TENM1: variants seen among roughly 807,000 people sequenced by gnomAD.
TENM1 encodes teneurin transmembrane protein 1.
In TENM1, 35 loss-of-function variants were observed where a neutral mutation model predicts 174.8. That is an observed-to-expected ratio of 0.20 (90% CI 0.15 to 0.27). TENM1 has a LOEUF of 0.27. Ranked by LOEUF, TENM1 falls within the 10% of genes least tolerant of loss-of-function variation. TENM1 has a pLI of 1.00. For missense variants in TENM1, 1,633 were observed against 2,130.1 expected (o/e 0.77, Z 4.59); for synonymous variants, 781 against 798.7 (o/e 0.98, Z 0.37).
At chrX:125,108,418 ATGAT>A in the TENM1 span, among the ~76,000 whole-genome samples, 1 of 111,523 alleles carries the variant, frequency 9.0e-6, no homozygotes, top group Non-Finnish European at 1.9e-5. Flanking sequence ...TATAGCTCAT[ATGAT>A]TGATAAAAAG....
At chrX:124,550,203 T>C (rs771730997) in intron 14 of TENM1, among the ~76,000 whole-genome samples, 1 of 111,650 alleles carries the variant, frequency 9.0e-6, no homozygotes, top group Non-Finnish European at 1.9e-5. Context: ...GATCAAGTCA[T>C]CACTAGTAAA....
chrX:125,147,336 C>T, the TENM1 span, among the ~76,000 whole-genome samples: 1 of 110,496 alleles, frequency 9.1e-6, no homozygotes, highest in East Asian at 2.8e-4. Context: ...CACACACAGA[C>T]ACACAGAGCA....
At chrX:124,921,044 C>T (rs1486008923) in intron 1 of TENM1, among the ~76,000 whole-genome samples, 9 of 104,188 alleles carry the variant, frequency 8.6e-5, no homozygotes, top group African/African-American at 1.8e-4. Flanking sequence ...CTAAATCTCA[C>T]GCCCCTCTTT....
chrX:125,191,789 G>T, the TENM1 span, among the ~76,000 whole-genome samples: 1 of 111,940 alleles, frequency 8.9e-6, no homozygotes, highest in Admixed American at 9.5e-5. Flanking sequence ...TTATTTGATT[G>T]TTTATGTCCC....
intron 3 of TENM1, among the ~76,000 whole-genome samples, chrX:124,778,151 A>G (rs181528862): frequency 8.0e-5 from 9 of 112,801 alleles, no homozygotes; most frequent in Admixed American, 6.5e-4. Flanking sequence ...TCCAGTAGGG[A>G]CAGTTAAATG....
chrX:124,469,702 G>C (rs1305707280), intron 22 of TENM1, among the ~76,000 whole-genome samples: 3 of 110,803 alleles, frequency 2.7e-5, no homozygotes, highest in African/African-American at 9.9e-5. Context: ...TATGAAGTTA[G>C]AAAATTCTAT....
At chrX:124,994,214 G>T in the TENM1 span, among the ~76,000 whole-genome samples, 1 of 68,240 alleles carries the variant, frequency 1.5e-5, no homozygotes, top group Non-Finnish European at 3.0e-5. Flanking sequence ...TTAATTGACT[G>T]ACTTTTTTTT....
the TENM1 span, among the ~76,000 whole-genome samples, chrX:125,017,463 G>A: frequency 1.3e-4 from 15 of 112,031 alleles, no homozygotes; most frequent in East Asian, 5.6e-4. Flanking sequence ...AGGCAGTATG[G>A]AGATTCCTCA....
chrX:124,762,731 A>G (rs2054450032), intron 3 of TENM1, among the ~76,000 whole-genome samples: 1 of 111,888 alleles, frequency 8.9e-6, no homozygotes. Context: ...TGCTGGTACA[A>G]TAAATACTTA....
At chrX:124,712,998 TA>T (rs1263864324) in intron 4 of TENM1, among the ~76,000 whole-genome samples, 2 of 111,458 alleles carry the variant, frequency 1.8e-5, no homozygotes, top group African/African-American at 6.5e-5. Context: ...AACAACTATA[TA>T]AAGGAGAATT....
At chrX:124,417,939 T>C (rs987887896) in intron 25 of TENM1, among the ~76,000 whole-genome samples, 1 of 111,899 alleles carries the variant, frequency 8.9e-6, no homozygotes, top group African/African-American at 3.3e-5. Flanking sequence ...CAAAATGTAT[T>C]CAGAATTTTA....
the TENM1 span, among the ~76,000 whole-genome samples, chrX:125,001,030 C>A: frequency 9.0e-6 from 1 of 110,501 alleles, no homozygotes; most frequent in Non-Finnish European, 1.9e-5. Context: ...TACTCAGTAT[C>A]CTAAAAGACT....
At chrX:124,587,422 A>G (rs1362030133) in intron 11 of TENM1, among the ~76,000 whole-genome samples, 1 of 108,742 alleles carries the variant, frequency 9.2e-6, no homozygotes, top group Non-Finnish European at 1.9e-5. Context: ...AAACCTGAGA[A>G]AAACAAGCAA....
chrX:124,430,422 G>A (rs527797754), intron 23 of TENM1, among the ~76,000 whole-genome samples: 2 of 112,361 alleles, frequency 1.8e-5, no homozygotes, highest in South Asian at 7.5e-4. Flanking sequence ...GCACGAATCA[G>A]TTAACCTATC....
rs771432005 is a variant in TENM1, at chrX:124,420,939, C to A, written c.4472-118G>T. 1,153 of 680,571 alleles carry A rather than the reference C, an allele frequency of 1.7e-3. 3 individuals are homozygous for A. The highest frequency in any genetic ancestry group is 2.2e-3 in the Non-Finnish European group (1,029 of 457,949). 56.1% of individuals were successfully genotyped at this position (680,571 alleles called of 1,213,427 possible). On this transcript the variant is annotated intron_variant, in intron 24 of 31. Coordinates refer to ENST00000422452, the Ensembl canonical transcript of TENM1. ...TTAAAGGAAACAATCAGTGAACCAA[C>A]ATTCTCTGTATTCCCTCCCTGAAAA...
chrX:124,835,160 G>A (rs759177106), intron 3 of TENM1, among the ~76,000 whole-genome samples: 1 of 111,725 alleles, frequency 9.0e-6, no homozygotes, highest in South Asian at 3.8e-4. Flanking sequence ...TGCCTGAAAA[G>A]GTCAACCTCA....
chrX:125,082,672 T>C, the TENM1 span, among the ~76,000 whole-genome samples: 2 of 111,635 alleles, frequency 1.8e-5, no homozygotes, highest in Non-Finnish European at 3.8e-5. Flanking sequence ...CTGACAATCA[T>C]AGCTAACTAA....
the TENM1 span, among the ~76,000 whole-genome samples, chrX:124,985,043 C>A: frequency 7.1e-5 from 8 of 112,050 alleles, no homozygotes; most frequent in African/African-American, 2.6e-4. Context: ...AAGTAACTAA[C>A]TCTGACCCTT....
intron 3 of TENM1, among the ~76,000 whole-genome samples, chrX:124,813,620 A>G (rs1472058687): frequency 8.9e-6 from 1 of 111,748 alleles, no homozygotes; most frequent in Non-Finnish European, 1.9e-5. Context: ...CTGTTAAGTG[A>G]CAAAATGCAA....
Sources: gnomAD v4.1 joint callset for allele counts (sites outside exome capture counted in the v4.1 genomes callset) on GRCh38, gnomAD v4.1.1 for gene constraint, MANE v1.5 for transcripts, NCBI Gene and HGNC (gene_info 2026-07-23, HGNC 2026-07-21) for gene names.